Variants in GYG2 observed in about 807,000 individuals in gnomAD.
The protein encoded by GYG2 is glycogenin-2.
GYG2 carries 29 observed loss-of-function variants against 29.4 expected under a neutral mutation model. That is an observed-to-expected ratio of 0.99 (90% confidence interval 0.74 to 1.35). The LOEUF (loss-of-function observed/expected upper bound fraction) is 1.35. GYG2 is among the 40% of genes most tolerant of loss of function. GYG2 has a pLI of 0.00. For synonymous variants in GYG2, 167 were observed against 172.3 expected (o/e 0.97, Z 0.24); for missense variants, 370 against 385.7 (o/e 0.96, Z 0.34).
chrX:2,876,988 G>A (rs764718093), intron 9 of GYG2, among the ~76,000 whole-genome samples: 4 of 110,113 alleles, frequency 3.6e-5, no homozygotes, highest in Non-Finnish European at 5.7e-5. Context: ...TTGCTATTTT[G>A]CCGAGGCTGG....
At chrX:2,866,388 G>A (rs774752505) in intron 8 of GYG2, among the ~76,000 whole-genome samples, 38 of 111,121 alleles carry the variant, frequency 3.4e-4, no homozygotes, top group Admixed American at 8.6e-4. Context: ...CCAGCTACTC[G>A]CAAGGCTGAG....
intron 2 of GYG2, among the ~76,000 whole-genome samples, chrX:2,836,222 A>C (rs1163962720): frequency 9.0e-6 from 1 of 111,412 alleles, no homozygotes; most frequent in Non-Finnish European, 1.9e-5. Context: ...CTTTCAGGGC[A>C]GCTGATGGCT....
At chrX:2,873,477 A>G (rs1385198287) in intron 8 of GYG2, among the ~76,000 whole-genome samples, 4 of 111,199 alleles carry the variant, frequency 3.6e-5, no homozygotes, top group Non-Finnish European at 7.5e-5. Flanking sequence ...TATCAAGGTA[A>G]TTAACATTTT....
At chrX:2,842,883 C>T (rs1438983526) in intron 2 of GYG2, 16 of 283,490 alleles carry the variant, frequency 5.6e-5, no homozygotes, top group African/African-American at 2.3e-4. Flanking sequence ...GGTGCAATCA[C>T]GGCTCACTGC....
At chrX:2,878,193 G>C (rs2088642267) in intron 10 of GYG2, 3 of 744,827 alleles carry the variant, frequency 4.0e-6, no homozygotes, top group African/African-American at 2.3e-5. Context: ...CAGGGCATCA[G>C]TGTGAGGTTG....
At chrX:2,861,168 A>G (rs771187781) in intron 7 of GYG2, among the ~76,000 whole-genome samples, 1 of 110,994 alleles carries the variant, frequency 9.0e-6, no homozygotes, top group East Asian at 2.8e-4. Flanking sequence ...GCTGCTTTTT[A>G]AGGACTGCTG....
At position 2,877,332 on chromosome X, in the gene GYG2, C is replaced by G. The variant is rs751540375; in HGVS notation, c.1251+25C>G. The G allele has an allele frequency of 8.3e-6, 10 of 1,202,289 alleles. No homozygotes were observed. The East Asian group carries it at 3.0e-4, about 36-fold the overall frequency. On this transcript the variant is annotated intron_variant, in intron 10 of 10. Coordinates refer to ENST00000398806, the MANE Select transcript of GYG2 (RefSeq NM_001079855.2). ...GGTGGTATCCAAATTCTTCCCCTTG[C>G]CCAAGGCTCCCGGTGGGGGCCATCC...
chrX:2,846,615 C>T (rs1202707606), intron 3 of GYG2, among the ~76,000 whole-genome samples: 7 of 109,832 alleles, frequency 6.4e-5, no homozygotes, highest in African/African-American at 1.0e-4. Context: ...TGTGGTGGTG[C>T]GCACCTATAG....
intron 9 of GYG2, 116 bp downstream of exon 9, chrX:2,876,030 T>A (rs1603460417): frequency 1.0e-4 from 16 of 159,329 alleles, no homozygotes; most frequent in East Asian, 1.2e-4. Flanking sequence ...TAAAAATTCC[T>A]CCCTTTTTTT....
In GYG2 at chrX:2,872,381, T is replaced by G. The variant is rs1389443642; in HGVS notation, c.1039-3429T>G. On this transcript the variant is annotated intron_variant, in intron 8 of 10. Coordinates refer to ENST00000398806, the MANE Select transcript of GYG2 (RefSeq NM_001079855.2). ...ATGCAAGGGGGAAGTGTCTACTTTT[T>G]ACTAGTAAAAATAATGGCCATATTT... Among the ~76,000 whole-genome samples, 3 of 106,061 alleles carry G rather than the reference T, an allele frequency of 2.8e-5. No individual in the cohort carries two copies. In the East Asian group the frequency reaches 9.3e-4, roughly 33 times the overall value. The allele number at this position is 106,061 out of a possible 115,157, so 92.1% of individuals were successfully genotyped here.
rs1218550204 is a variant in GYG2 at position 2,844,600 on chromosome X, A to G, written c.149+1246A>G. Among the ~76,000 whole-genome samples, 16 of 51,911 alleles carry G rather than the reference A, an allele frequency of 3.1e-4. 1 individual carries two copies. The highest frequency in any genetic ancestry group is 4.7e-4 in the Non-Finnish European group (14 of 29,921). 45.1% of individuals were successfully genotyped at this position (51,911 alleles called of 115,157 possible). A position where few individuals can be genotyped will look rare whatever the true frequency, so the allele number is the denominator to read the frequency against. On this transcript the variant is annotated intron_variant, in intron 3 of 10. Transcript: ENST00000398806. ...CACGCATGCGTATATGTGTATACGC[A>G]CACGCATGCGTATATGTGTATACGC...
intron 2 of GYG2, among the ~76,000 whole-genome samples, chrX:2,840,250 G>T (rs1483713525): frequency 9.0e-6 from 1 of 111,569 alleles, no homozygotes; most frequent in East Asian, 2.8e-4. Context: ...CGGGGTAGGG[G>T]ATTGGATCTC....
chrX:2,874,273 T>C (rs2088544409), intron 8 of GYG2, among the ~76,000 whole-genome samples: 1 of 112,435 alleles, frequency 8.9e-6, no homozygotes, highest in African/African-American at 3.2e-5. Flanking sequence ...TTTCTATTTC[T>C]TTCTGTGCTC....
At chrX:2,844,599 C>T (rs1192704908) in intron 3 of GYG2, among the ~76,000 whole-genome samples, 2 of 48,703 alleles carry the variant, frequency 4.1e-5, no homozygotes, top group Non-Finnish European at 7.1e-5. Flanking sequence ...TGTGTATACG[C>T]ACACGCATGC....
chrX:2,845,687 ATACAT>A (rs1205623857), intron 3 of GYG2, among the ~76,000 whole-genome samples: 1 of 106,294 alleles, frequency 9.4e-6, no homozygotes, highest in African/African-American at 3.4e-5. Context: ...GTGTATGTAC[ATACAT>A]TTATTTATGC....
At chrX:2,859,490 G>A (rs2088103994) in intron 6 of GYG2, among the ~76,000 whole-genome samples, 1 of 110,254 alleles carries the variant, frequency 9.1e-6, no homozygotes, top group Non-Finnish European at 1.9e-5. Flanking sequence ...ATTACATAAC[G>A]ATTACTACAT....
At chrX:2,855,798 A>G (rs1364069416) in intron 5 of GYG2, among the ~76,000 whole-genome samples, 1 of 111,641 alleles carries the variant, frequency 9.0e-6, no homozygotes, top group African/African-American at 3.3e-5. Flanking sequence ...TGATGCTGGC[A>G]CCTGTAGTCC....
rs768509724 is a variant in GYG2, at chrX:2,869,747, G to A, written c.1039-6063G>A. On this transcript the variant is annotated intron_variant, in intron 8 of 10. Transcript: ENST00000398806. ...TGCAGCCTTGACCTCCTGGACTCAAGTGATCCTCCCACCTCCTCCCAGGTA... is the reference window on the plus strand; with the variant it reads ...TGCAGCCTTGACCTCCTGGACTCAAATGATCCTCCCACCTCCTCCCAGGTA... Among the ~76,000 whole-genome samples, 711 of 111,754 alleles carry A rather than the reference G, an allele frequency of 6.4e-3. 7 individuals are homozygous for A. Among genetic ancestry groups the A allele is most frequent in the African/African-American group, 0.02 (620 of 30,734 alleles).
At chrX:2,845,917 A>T (rs1489341628) in intron 3 of GYG2, among the ~76,000 whole-genome samples, 1 of 96,113 alleles carries the variant, frequency 1.0e-5, no homozygotes, top group Non-Finnish European at 2.0e-5. Flanking sequence ...GATAATTTCA[A>T]ATATATATAT....
Sources: gnomAD v4.1 joint callset for allele counts (sites outside exome capture counted in the v4.1 genomes callset) on GRCh38, gnomAD v4.1.1 for gene constraint, MANE v1.5 for transcripts, NCBI Gene and HGNC (gene_info 2026-07-23, HGNC 2026-07-21) for gene names.